Variants in CHST15 observed in about 807,000 individuals in gnomAD.
The protein encoded by CHST15 is B cell RAG associated protein (GALNAC4S-6ST).
In CHST15, 30 loss-of-function variants were observed where a neutral mutation model predicts 53.6. That is an observed-to-expected ratio of 0.56 (90% CI 0.42 to 0.76). CHST15 has a LOEUF of 0.76. CHST15 is among the 30% of genes least tolerant of loss of function. The probability of loss-of-function intolerance (pLI) is 0.00; values close to 1 mark genes in which losing one functional copy is unlikely to be tolerated. For synonymous variants in CHST15, 296 were observed against 289.8 expected (o/e 1.02, Z -0.22); for missense variants, 627 against 740.5 (o/e 0.85, Z 1.78).
rs778091666 is a variant in CHST15, at chr10:124,019,749, C to T, written c.1347+1507G>A. 3.1e-6 allele frequency: 3 copies of T among 981,956 alleles called. No individual in the cohort carries two copies. Among genetic ancestry groups the T allele is most frequent in the Non-Finnish European group, 3.6e-6 (3 of 826,782 alleles). The allele number at this position is 981,956 out of a possible 1,614,324, so 60.8% of individuals were successfully genotyped here. ...CTCCTACACTATCTTCTGCTTAAAA[C>T]CCTCTGAGGGGTCCCATCTCTCTCA... On this transcript the variant is annotated intron_variant, in intron 6 of 7. Transcript: ENST00000435907. This position sits in a 1 kb window ranked among gnomAD's most constrained non-coding sequence, Gnocchi z 4.6.
At chr10:124,089,857 G>T (rs186541964) in intron 1 of CHST15, among the ~76,000 whole-genome samples, 4 of 152,160 alleles carry the variant, frequency 2.6e-5, no homozygotes, top group Non-Finnish European at 5.9e-5. Flanking sequence ...TCCTAGCCCC[G>T]CCAAATCATC....
Position 124,044,794 on chromosome 10 carries a change from G to T in CHST15, c.672C>A (p.Arg224=), listed in dbSNP as rs61740019. ...GCAGGGCGTCGAAGGTGGAGCGGAA[G>T]CGCTTGGAGTAGAGCACGTAGGAGT... ...LTNSYVLYSK[R]FRSTFDALRK... The change falls in exon 3 of 8, where the codon CGC becomes CGA. Residue 224 remains arginine, a synonymous_variant. Coordinates refer to ENST00000435907, the MANE Select transcript of CHST15 (RefSeq NM_001270764.2). 7 of 1,609,092 alleles carry T rather than the reference G, an allele frequency of 4.4e-6. No homozygotes were observed. Among genetic ancestry groups the T allele is most frequent in the Non-Finnish European group, 5.9e-6 (7 of 1,177,256 alleles).
intron 5 of CHST15, among the ~76,000 whole-genome samples, chr10:124,034,093 A>T (rs952581280): frequency 6.6e-5 from 10 of 152,178 alleles, no homozygotes; most frequent in African/African-American, 2.4e-4. Flanking sequence ...ACCAGCTACC[A>T]GGGGGTAGGC....
At chr10:124,042,962 G>C (rs890495733) in intron 3 of CHST15, among the ~76,000 whole-genome samples, 1 of 152,100 alleles carries the variant, frequency 6.6e-6, no homozygotes, top group Non-Finnish European at 1.5e-5. Context: ...TCCTCCCCCT[G>C]TTCAATCAAA....
intron 3 of CHST15, among the ~76,000 whole-genome samples, chr10:124,043,799 G>A (rs905683737): frequency 2.6e-5 from 4 of 152,246 alleles, no homozygotes; most frequent in Non-Finnish European, 5.9e-5. Context: ...GGGCAGGTCA[G>A]AGAAGCTGAG....
Position 124,021,236 on chromosome 10 carries a change from C to CCCGGGGGGGGGGGG in CHST15, c.1347+19_1347+20insCCCCCCCCCCCCGG. The CCCGGGGGGGGGGGG allele has an allele frequency of 7.8e-7, 1 of 1,286,772 alleles. No individual in the cohort carries two copies. Among genetic ancestry groups the CCCGGGGGGGGGGGG allele is most frequent in the Non-Finnish European group, 1.1e-6 (1 of 950,102 alleles). 79.7% of individuals were successfully genotyped at this position (1,286,772 alleles called of 1,614,324 possible). On this transcript the variant is annotated intron_variant, in intron 6 of 7. Coordinates refer to ENST00000435907, the MANE Select transcript of CHST15 (RefSeq NM_001270764.2). ...CTGCCAGGGGCCAGCTCGGGGGGTACGGGGGGGGGGGGTACACACAGGCAT... is the reference window on the plus strand; with the variant it reads ...CTGCCAGGGGCCAGCTCGGGGGGTACCCGGGGGGGGGGGGGGGGGGGGGGGGTACACACAGGCAT...
Position 124,020,317 on chromosome 10 carries a change from C to T in CHST15, c.1347+939G>A, listed in dbSNP as rs550543295. 17 of 985,516 alleles carry T rather than the reference C, an allele frequency of 1.7e-5. No individual in the cohort carries two copies. The East Asian group carries it at 1.0e-3, about 59-fold the overall frequency. The allele number at this position is 985,516 out of a possible 1,614,324, so 61.0% of individuals were successfully genotyped here. On this transcript the variant is annotated intron_variant, in intron 6 of 7. Coordinates refer to ENST00000435907, the MANE Select transcript of CHST15 (RefSeq NM_001270764.2). ...GCCAAGCTGGAAACCTGACCCACAC[C>T]AATGGCTGGTTCCAAAGTGTACTCC... is the stretch of plus-strand genomic sequence containing the variant.
chr10:124,075,118 G>T (rs1194544775), intron 1 of CHST15, among the ~76,000 whole-genome samples: 1 of 152,224 alleles, frequency 6.6e-6, no homozygotes, highest in African/African-American at 2.4e-5. Context: ...GCTTTTGAAA[G>T]TGAAAACAAT....
chr10:124,044,435 CTT>C (rs758977554), intron 3 of CHST15, 143 bp downstream of exon 3: 10 of 666,182 alleles, frequency 1.5e-5, no homozygotes, highest in Non-Finnish European at 2.4e-5. Flanking sequence ...CCTGCTGGGT[CTT>C]TGCCTGGGAA....
rs1338359559 is a variant in CHST15, at chr10:124,044,714, C to T, written c.752G>A (p.Arg251His). ...TATGATGTAGAAGTGCGGCAGGCAGCGCAGGCGGAAGTGCTTCCCGTGCGC... is the reference window on the plus strand; with the variant it reads ...TATGATGTAGAAGTGCGGCAGGCAGTGCAGGCGGAAGTGCTTCCCGTGCGC... Reference protein sequence around the residue: ...AHAHGKHFRLRCLPHFYIIGQ... With the variant: ...AHAHGKHFRLHCLPHFYIIGQ... Residue 251 changes from arginine (R) to histidine (H), a missense_variant, in exon 3 of 8, where the codon CGC (arginine) becomes CAC (histidine). Around this residue, in one of 3 missense-constraint regions of CHST15, gnomAD observed 161 missense variants for 117.2 expected, o/e 1.37. Transcript: ENST00000435907. 1.2e-6 allele frequency: 2 copies of T among 1,613,682 alleles called. No homozygotes were observed. The highest frequency in any genetic ancestry group is 1.7e-6 in the Non-Finnish European group (2 of 1,179,856).
chr10:124,059,683 C>T (rs1010600132), intron 1 of CHST15, among the ~76,000 whole-genome samples: 5 of 152,112 alleles, frequency 3.3e-5, no homozygotes, highest in Non-Finnish European at 7.3e-5. Context: ...TGCAGATGCA[C>T]GATGCACCCT....
At chr10:124,057,911 G>A (rs2134080791) in intron 1 of CHST15, among the ~76,000 whole-genome samples, 1 of 151,990 alleles carries the variant, frequency 6.6e-6, no homozygotes, top group South Asian at 2.1e-4. Flanking sequence ...AAATAATCAG[G>A]TTTTCTCAGC....
chr10:124,044,627 T>C lies in CHST15; in HGVS notation c.839A>G (p.Lys280Arg), dbSNP rs1390451168. 1.9e-6 allele frequency: 3 copies of C among 1,589,554 alleles called. No individual in the cohort carries two copies. In the African/African-American group the frequency reaches 4.1e-5, roughly 22 times the overall value. ...GTGTGGCTCCTTGATGGCGGAGAAC[T>C]TGACCTCAGGGTGCAGCCGCAGGCG... ...YDRLRLHPEV[K>R]FSAIKEPHWW... The change falls in exon 3 of 8, where the codon AAG becomes AGG. Residue 280 changes from lysine to arginine, a missense_variant. This residue lies in a region of CHST15 where 161 missense variants were observed against 117.2 expected (regional missense o/e 1.37). Transcript: ENST00000435907.
chr10:124,076,216 T>C (rs979903797), intron 1 of CHST15, among the ~76,000 whole-genome samples: 2 of 152,248 alleles, frequency 1.3e-5, no homozygotes, highest in African/African-American at 4.8e-5. Flanking sequence ...TTGAGGCTTA[T>C]ACACACACAT....
At chr10:124,013,019 G>C (rs1210576743) in intron 6 of CHST15, among the ~76,000 whole-genome samples, 1 of 152,182 alleles carries the variant, frequency 6.6e-6, no homozygotes, top group Admixed American at 6.5e-5. Context: ...TTCTATTTAA[G>C]TCCTTTCTAC....
At chr10:124,012,255 C>T in intron 7 of CHST15, 78 bp downstream of exon 7, 4 of 1,525,292 alleles carry the variant, frequency 2.6e-6, no homozygotes, top group Non-Finnish European at 3.6e-6. Context: ...ACCAGGTCTG[C>T]ATTTGCCCCA....
At chr10:124,016,870 G>A (rs1946603493) in intron 6 of CHST15, among the ~76,000 whole-genome samples, 1 of 152,176 alleles carries the variant, frequency 6.6e-6, no homozygotes, top group African/African-American at 2.4e-5. Flanking sequence ...TTATCACGAA[G>A]ACTCAAGCAT....
intron 1 of CHST15, among the ~76,000 whole-genome samples, chr10:124,078,899 C>G (rs995115368): frequency 6.6e-6 from 1 of 152,132 alleles, no homozygotes; most frequent in Non-Finnish European, 1.5e-5. Context: ...GAAGGGTACA[C>G]AGGGAGTCTA....
At chr10:124,067,878 G>C (rs1450981052) in intron 1 of CHST15, among the ~76,000 whole-genome samples, 1 of 152,168 alleles carries the variant, frequency 6.6e-6, no homozygotes, top group Non-Finnish European at 1.5e-5. Flanking sequence ...GCCTCCCAGA[G>C]TGCTGGGATT....
Sources: allele counts gnomAD v4.1 joint callset (sites outside exome capture counted in the v4.1 genomes callset), GRCh38; gene constraint gnomAD v4.1.1; regional missense constraint gnomAD v4.1.1; non-coding constraint Gnocchi (gnomAD v3.1); transcripts MANE v1.5; gene names NCBI Gene and HGNC (gene_info 2026-07-23, HGNC 2026-07-21).